Variants in MORN1 observed in about 807,000 individuals in gnomAD.
MORN1 encodes the protein MORN repeat-containing protein 1.
In MORN1, 67 loss-of-function variants were observed where a neutral mutation model predicts 61.9. That is an observed-to-expected ratio of 1.08 (90% CI 0.89 to 1.33). The LOEUF is 1.33. Among genes scored for constraint, MORN1 ranks in the 40% most tolerant of loss-of-function variants. MORN1 has a pLI of 0.00. For synonymous variants in MORN1, 301 were observed against 292.0 expected (o/e 1.03, Z -0.31); for missense variants, 752 against 691.2 (o/e 1.09, Z -0.99).
chr1:2,383,810 G>A (rs1387879566), intron 6 of MORN1, among the ~76,000 whole-genome samples: 2 of 152,290 alleles, frequency 1.3e-5, no homozygotes, highest in East Asian at 1.9e-4. Context: ...TCTCAATTCC[G>A]CTAGTGCCTC....
intron 10 of MORN1, chr1:2,350,377 T>C (rs1238588511): frequency 1.3e-5 from 2 of 152,250 alleles, no homozygotes; most frequent in Non-Finnish European, 2.9e-5. Context: ...TGTGCAATTA[T>C]GTATCACTGA....
At chr1:2,335,002 G>T (rs1379783037) in intron 12 of MORN1, among the ~76,000 whole-genome samples, 3 of 152,230 alleles carry the variant, frequency 2.0e-5, no homozygotes, top group Non-Finnish European at 4.4e-5. Context: ...CGAGTCACTG[G>T]GCAAACAGGG....
intron 10 of MORN1, chr1:2,355,518 T>C (rs1451933247): frequency 1.9e-6 from 3 of 1,544,848 alleles, no homozygotes; most frequent in African/African-American, 1.4e-5. Flanking sequence ...AGCCACCAGC[T>C]GGGTGAGGTT....
At chr1:2,327,421 G>C (rs527977803) in intron 12 of MORN1, among the ~76,000 whole-genome samples, 1 of 150,422 alleles carries the variant, frequency 6.6e-6, no homozygotes, top group Non-Finnish European at 1.5e-5. Context: ...GAGACACAGA[G>C]ACACAGAAAC....
intron 13 of MORN1, 52 bp from the exon 14 acceptor site, chr1:2,321,631 C>T: frequency 7.0e-7 from 1 of 1,428,740 alleles, no homozygotes; most frequent in East Asian, 2.8e-5. Flanking sequence ...CCTTCCCCTC[C>T]CTGGCCTCAG....
chr1:2,378,633 G>C (rs1642298882), intron 6 of MORN1: 1 of 298,402 alleles, frequency 3.4e-6, no homozygotes, highest in Non-Finnish European at 6.6e-6. Context: ...AGCTGATACA[G>C]CCAGGGATGC....
intron 12 of MORN1, among the ~76,000 whole-genome samples, chr1:2,329,657 G>A (rs1048985014): frequency 6.6e-6 from 1 of 152,228 alleles, no homozygotes; most frequent in African/African-American, 2.4e-5. Context: ...GGGTCAGCAG[G>A]TGGCAAGGCC....
At chr1:2,375,478 GCT>G (rs1407728031) in intron 6 of MORN1, 1 of 152,536 alleles carries the variant, frequency 6.6e-6, no homozygotes, top group Non-Finnish European at 1.5e-5. Context: ...TGGCGCTGGA[GCT>G]CTCTCTGGCT....
At chr1:2,322,071 GC>G in intron 13 of MORN1, 1 of 985,384 alleles carries the variant, frequency 1.0e-6, no homozygotes, top group East Asian at 1.1e-4. Flanking sequence ...CCCCGCCCTG[GC>G]CCCTTCCCCA....
rs115630803 is a variant in MORN1 at position 2,353,853 on chromosome 1, G to T, written c.1036+3579C>A. ...TGTTGGGGGCAGACTTTCAATGGGA[G>T]ATGGGAATTGGGAAGAAAAGTTTGT... is the stretch of plus-strand genomic sequence containing the variant. On this transcript the variant is annotated intron_variant, in intron 10 of 13. Transcript: ENST00000378531. 5.7e-3 allele frequency among the ~76,000 whole-genome samples: 869 copies of T among 152,354 alleles called. 8 individuals are homozygous for T. The highest frequency in any genetic ancestry group is 0.019 in the African/African-American group (803 of 41,574).
At chr1:2,390,483 G>C in intron 1 of MORN1, 1 of 985,402 alleles carries the variant, frequency 1.0e-6, no homozygotes, top group Non-Finnish European at 1.2e-6. Context: ...GGCCTGGCCG[G>C]CTTCATCTCC....
intron 11 of MORN1, 69 bp from the exon 12 acceptor site, chr1:2,336,617 A>G: frequency 6.3e-7 from 1 of 1,595,100 alleles, no homozygotes. Context: ...CTCTGCTCCA[A>G]CCCCCCTGGG....
chr1:2,338,463 G>A (rs1423207982), intron 10 of MORN1, among the ~76,000 whole-genome samples: 1 of 152,110 alleles, frequency 6.6e-6, no homozygotes, highest in East Asian at 1.9e-4. Context: ...CTTGGACTGC[G>A]TCTTTTATCG....
intron 6 of MORN1, among the ~76,000 whole-genome samples, 155 bp downstream of exon 6, chr1:2,384,823 G>C (rs1642452746): frequency 6.6e-6 from 1 of 152,244 alleles, no homozygotes; most frequent in South Asian, 2.1e-4. Context: ...ACTGTGAGGG[G>C]AGAGAGAAAC....
intron 3 of MORN1, 123 bp downstream of exon 3, chr1:2,388,116 G>T: frequency 1.3e-6 from 1 of 740,850 alleles, no homozygotes; most frequent in Non-Finnish European, 2.3e-6. Flanking sequence ...CGGTAGGCCA[G>T]GCCTCTCACG....
intron 10 of MORN1, among the ~76,000 whole-genome samples, chr1:2,345,044 T>C (rs541223785): frequency 1.3e-5 from 2 of 149,544 alleles, no homozygotes; most frequent in East Asian, 2.0e-4. Flanking sequence ...TAGATGACCA[T>C]ATGTGCCCCG....
At chr1:2,373,762 C>T (rs538312911) in intron 7 of MORN1, among the ~76,000 whole-genome samples, 3 of 152,336 alleles carry the variant, frequency 2.0e-5, no homozygotes, top group South Asian at 2.1e-4. Flanking sequence ...ACGAGGAGCC[C>T]GGGGCCAGCG....
At chr1:2,321,645 A>G in intron 13 of MORN1, 66 bp from the exon 14 acceptor site, 2 of 1,422,184 alleles carry the variant, frequency 1.4e-6, no homozygotes, top group Non-Finnish European at 1.8e-6. Flanking sequence ...GCCTCAGCCC[A>G]CTGCCCACTG....
Position 2,387,464 on chromosome 1 carries a change from C to G in MORN1, c.313G>C (p.Ala105Pro). 6.2e-7 allele frequency: 1 copy of G among 1,613,774 alleles called. No individual in the cohort carries two copies. The highest frequency in any genetic ancestry group is 8.5e-7 in the Non-Finnish European group (1 of 1,180,032). ...ACCTCCCCTTCATAACATCCGCCGGCTTTGTACTCCATGACGCCGTAGCCT... is the reference window on the plus strand; with the variant it reads ...ACCTCCCCTTCATAACATCCGCCGGGTTTGTACTCCATGACGCCGTAGCCT... ...PQGYGVMEYK[A>P]GGCYEGEVSH... is the part of the protein sequence containing the mutation. Residue 105 changes from alanine to proline, a missense_variant, in exon 4 of 14, where the codon GCC becomes CCC. Transcript: ENST00000378531.
Sources: allele counts gnomAD v4.1 joint callset (sites outside exome capture counted in the v4.1 genomes callset), GRCh38; gene constraint gnomAD v4.1.1; transcripts MANE v1.5; gene names NCBI Gene and HGNC (gene_info 2026-07-23, HGNC 2026-07-21).